RALGAPA2: variants seen among roughly 807,000 people sequenced by gnomAD.
RALGAPA2 encodes ral GTPase-activating protein subunit alpha-2.
RALGAPA2 carries 139 observed loss-of-function variants against 230.4 expected under a neutral mutation model. That is an observed-to-expected ratio of 0.60 (90% CI 0.53 to 0.69). RALGAPA2 has a LOEUF of 0.69. Ranked by LOEUF, RALGAPA2 falls within the 30% of genes least tolerant of loss-of-function variation. RALGAPA2 has a pLI of 0.00. For synonymous variants in RALGAPA2, 847 were observed against 837.8 expected (o/e 1.01, Z -0.19); for missense variants, 2,163 against 2,276.0 (o/e 0.95, Z 1.01).
chr20:20,539,553 A>G (rs2063585715), intron 24 of RALGAPA2, among the ~76,000 whole-genome samples: 1 of 152,246 alleles, frequency 6.6e-6, no homozygotes. Context: ...ACACAAATAC[A>G]TTATAAAATG....
chr20:20,685,517 A>T (rs148898937), intron 1 of RALGAPA2, among the ~76,000 whole-genome samples: 19 of 152,310 alleles, frequency 1.2e-4, no homozygotes, highest in Non-Finnish European at 2.2e-4. Context: ...CAGGGTCAGG[A>T]TCTCCAGTGA....
At chr20:20,413,281 C>T (rs1218629594) in intron 37 of RALGAPA2, among the ~76,000 whole-genome samples, 2 of 152,158 alleles carry the variant, frequency 1.3e-5, no homozygotes, top group African/African-American at 4.8e-5. Flanking sequence ...AAGTTGGTGA[C>T]AATTATGTCC....
chr20:20,491,293 C>T (rs1250281082), intron 36 of RALGAPA2, among the ~76,000 whole-genome samples: 1 of 152,068 alleles, frequency 6.6e-6, no homozygotes, highest in Non-Finnish European at 1.5e-5. Context: ...GTTCAGAGGA[C>T]ATTAGCATAT....
chr20:20,414,740 G>T (rs1036092265), intron 37 of RALGAPA2, among the ~76,000 whole-genome samples: 1 of 152,176 alleles, frequency 6.6e-6, no homozygotes, highest in Non-Finnish European at 1.5e-5. Context: ...AAACATAAAG[G>T]TGCTTCCAGA....
At chr20:20,621,731 C>T (rs566354267) in intron 10 of RALGAPA2, among the ~76,000 whole-genome samples, 1 of 152,204 alleles carries the variant, frequency 6.6e-6, no homozygotes, top group Non-Finnish European at 1.5e-5. Flanking sequence ...TAATGTTAAA[C>T]AATTTAAAGG....
At chr20:20,582,119 G>A (rs2065003364) in intron 20 of RALGAPA2, among the ~76,000 whole-genome samples, 1 of 151,936 alleles carries the variant, frequency 6.6e-6, no homozygotes, top group Non-Finnish European at 1.5e-5. Context: ...TCAAACAGGT[G>A]AGGGAAACTG....
At chr20:20,493,886 T>C (rs1043211726) in intron 36 of RALGAPA2, among the ~76,000 whole-genome samples, 1 of 152,224 alleles carries the variant, frequency 6.6e-6, no homozygotes, top group African/African-American at 2.4e-5. Context: ...TTTTGGCATC[T>C]GCGTTCCCTC....
At chr20:20,589,139 T>C in intron 18 of RALGAPA2, 129 bp downstream of exon 18, 1 of 1,242,622 alleles carries the variant, frequency 8.0e-7, no homozygotes, top group Non-Finnish European at 1.1e-6. Context: ...CTCAACATCA[T>C]TTGGGCCTAT....
chr20:20,610,751 A>C (rs6082065), intron 14 of RALGAPA2, among the ~76,000 whole-genome samples: 19,153 of 151,756 alleles, frequency 0.13, 2,257 homozygotes, highest in African/African-American at 0.31. Context: ...TCCAGGTGGG[A>C]CTCATCCCAT....
In RALGAPA2 at chr20:20,524,450, C is replaced by T. The variant is rs762148775; in HGVS notation, c.3856G>A (p.Glu1286Lys). ...LHPVSTAVLE[E>K]QHSARAPLLD... ...AAGGGGGCTCTGGCCGAATGCTGCT[C>T]CTCTAGGACTGCTGTGGACACGGGG... Residue 1286 changes from glutamate (E) to lysine (K), a missense_variant, in exon 30 of 40, where the codon GAG (glutamate) becomes AAG (lysine). Coordinates refer to ENST00000202677, the MANE Select transcript of RALGAPA2 (RefSeq NM_020343.4). 1.5e-5 allele frequency: 24 copies of T among 1,613,794 alleles called. No individual in the cohort carries two copies. The highest frequency in any genetic ancestry group is 3.3e-5 in the Admixed American group (2 of 59,990).
At chr20:20,602,587 G>A (rs1246039871) in intron 15 of RALGAPA2, among the ~76,000 whole-genome samples, 1 of 152,144 alleles carries the variant, frequency 6.6e-6, no homozygotes, top group Admixed American at 6.5e-5. Context: ...TGTGCTTTTT[G>A]TTTCTAGTAG....
chr20:20,626,877 A>C (rs1240889125), intron 10 of RALGAPA2, among the ~76,000 whole-genome samples: 3 of 152,190 alleles, frequency 2.0e-5, no homozygotes, highest in Non-Finnish European at 4.4e-5. Context: ...CCTGTGACAG[A>C]GACGTACGAT....
At chr20:20,536,591 GA>G in intron 25 of RALGAPA2, 64 bp downstream of exon 25, 1 of 1,534,488 alleles carries the variant, frequency 6.5e-7, no homozygotes. Flanking sequence ...TAATGGAAGA[GA>G]TAATCATACA....
At chr20:20,440,647 C>T (rs1187247003) in intron 37 of RALGAPA2, among the ~76,000 whole-genome samples, 2 of 152,326 alleles carry the variant, frequency 1.3e-5, no homozygotes, top group African/African-American at 4.8e-5. Flanking sequence ...CTTGGATTCT[C>T]GCCCCCGGCC....
chr20:20,573,015 T>C lies in RALGAPA2; in HGVS notation c.2761A>G (p.Thr921Ala), dbSNP rs200990072. The C allele has an allele frequency of 3.2e-5, 52 of 1,610,800 alleles. No homozygotes were observed. The African/African-American group carries it at 6.5e-4, about 20-fold the overall frequency. ...GCAGCAGAGTCTGGGTGCCAACCAG[T>C]GAGGCTCCCCCCGGCGATTATACTA... ...DCSIIAGGSLTGWHPDSAAVL... is the reference protein window; with the variant it reads ...DCSIIAGGSLAGWHPDSAAVL... The change falls in exon 21 of 40, where the codon ACT (threonine) becomes GCT (alanine). Residue 921 changes from threonine to alanine, a missense_variant. Transcript: ENST00000202677.
intron 24 of RALGAPA2, among the ~76,000 whole-genome samples, chr20:20,539,846 A>AT (rs1222725978): frequency 3.9e-5 from 6 of 152,200 alleles, no homozygotes; most frequent in African/African-American, 1.4e-4. Context: ...GATTCCACAT[A>AT]TAAGTGACAC....
At chr20:20,626,792 T>C (rs2066501299) in intron 10 of RALGAPA2, among the ~76,000 whole-genome samples, 1 of 152,242 alleles carries the variant, frequency 6.6e-6, no homozygotes, top group Non-Finnish European at 1.5e-5. Context: ...AAATAAAATT[T>C]TTCTAGAACG....
At chr20:20,524,640 G>GAT (rs2145484799) in intron 29 of RALGAPA2, 97 bp from the exon 30 acceptor site, 1 of 1,488,348 alleles carries the variant, frequency 6.7e-7, no homozygotes, top group East Asian at 2.3e-5. Flanking sequence ...GTATTCAGTG[G>GAT]ACATGCAGGT....
intron 1 of RALGAPA2, among the ~76,000 whole-genome samples, chr20:20,710,693 T>A (rs1370253720): frequency 6.6e-6 from 1 of 152,196 alleles, no homozygotes; most frequent in African/African-American, 2.4e-5. Context: ...TTTACAAACT[T>A]GAAAAGAATC....
Sources: allele counts gnomAD v4.1 joint callset (sites outside exome capture counted in the v4.1 genomes callset), GRCh38; gene constraint gnomAD v4.1.1; transcripts MANE v1.5; gene names NCBI Gene and HGNC (gene_info 2026-07-23, HGNC 2026-07-21).